The following FAM114A1 variants were observed in gnomAD, a reference collection of about 807,000 sequenced individuals.
FAM114A1 encodes the protein family with sequence similarity 114 member A1.
Under a neutral mutation model 64.3 loss-of-function variants are expected in FAM114A1, and 62 were observed. The ratio of observed to expected loss-of-function variants is 0.96; its 90% CI spans 0.79 to 1.19. The LOEUF is 1.19. Among genes scored for constraint, FAM114A1 ranks in the 50% most tolerant of loss-of-function variants. FAM114A1 has a pLI of 0.00. For missense variants in FAM114A1, 645 were observed against 676.3 expected, an observed-to-expected ratio of 0.95 and a Z score of 0.51; for synonymous variants, 254 against 251.1, an observed-to-expected ratio of 1.01 and a Z score of -0.11.
At chr4:38,870,436 G>A (rs1713933391) in intron 2 of FAM114A1, among the ~76,000 whole-genome samples, 1 of 152,218 alleles carries the variant, frequency 6.6e-6, no homozygotes, top group African/African-American at 2.4e-5. Context: ...ATTTCTGAAG[G>A]ATAGTGACCA....
intron 4 of FAM114A1, among the ~76,000 whole-genome samples, chr4:38,893,171 C>G (rs1174381151): frequency 6.6e-6 from 1 of 152,254 alleles, no homozygotes; most frequent in Non-Finnish European, 1.5e-5. Context: ...TGCAGGCATC[C>G]TCTGTCCTTG....
chr4:38,894,584 C>T (rs1459621019), intron 4 of FAM114A1, among the ~76,000 whole-genome samples: 1 of 152,132 alleles, frequency 6.6e-6, no homozygotes, highest in South Asian at 2.1e-4. Flanking sequence ...CAAATCTGCA[C>T]GTATGCAAAG....
intron 10 of FAM114A1, among the ~76,000 whole-genome samples, chr4:38,930,028 C>T (rs977547668): frequency 2.1e-4 from 32 of 152,152 alleles, no homozygotes; most frequent in African/African-American, 7.7e-4. Flanking sequence ...TTTCAAATTT[C>T]ACCCCGCCCC....
intron 4 of FAM114A1, 107 bp from the exon 5 acceptor site, chr4:38,905,415 A>AT: frequency 3.7e-6 from 3 of 805,908 alleles, no homozygotes; most frequent in East Asian, 2.5e-5. Context: ...AAAAAAAAAA[A>AT]GAAAGATGTA....
intron 6 of FAM114A1, among the ~76,000 whole-genome samples, chr4:38,906,360 C>G (rs539968600): frequency 6.6e-6 from 1 of 152,018 alleles, no homozygotes; most frequent in East Asian, 1.9e-4. Context: ...CATTCCCACC[C>G]TTCCTCCTCC....
chr4:38,911,868 T>TA (rs1290713650), intron 7 of FAM114A1, among the ~76,000 whole-genome samples: 1 of 142,678 alleles, frequency 7.0e-6, no homozygotes. Context: ...TTTCTTTTTT[T>TA]TTTTTTTTTT....
intron 13 of FAM114A1, among the ~76,000 whole-genome samples, chr4:38,939,178 T>TTA (rs1263611545): frequency 1.3e-5 from 2 of 152,158 alleles, no homozygotes; most frequent in African/African-American, 4.8e-5. Context: ...TCATATATAT[T>TTA]TATATGTACA....
chr4:38,942,386 G>T (rs1248965490), intron 14 of FAM114A1, among the ~76,000 whole-genome samples: 1 of 152,154 alleles, frequency 6.6e-6, no homozygotes, highest in African/African-American at 2.4e-5. Context: ...AGGAATAGGA[G>T]CTGTAGGGGC....
intron 8 of FAM114A1, among the ~76,000 whole-genome samples, chr4:38,918,466 G>A (rs1222835401): frequency 1.3e-5 from 2 of 152,116 alleles, no homozygotes; most frequent in African/African-American, 2.4e-5. Context: ...CACACGTAGC[G>A]AATAAAAATA....
At chr4:38,880,125 GAATAGAATAGA>G (rs891941819) in intron 3 of FAM114A1, among the ~76,000 whole-genome samples, 2 of 93,248 alleles carry the variant, frequency 2.1e-5, no homozygotes, top group Non-Finnish European at 4.8e-5. Context: ...GAATAGAATA[GAATAGAATAGA>G]ATAGAATAGA....
chr4:38,904,717 G>A (rs896350360), intron 4 of FAM114A1, among the ~76,000 whole-genome samples: 1 of 152,210 alleles, frequency 6.6e-6, no homozygotes, highest in South Asian at 2.1e-4. Flanking sequence ...AGGCTCAGGT[G>A]ATTTCAATCC....
rs1336213654 is a variant in FAM114A1, at chr4:38,905,757, A to G, written c.553A>G (p.Thr185Ala). Reference sequence around the variant, plus strand: ...AAGGATTTCTTTTTTCTCTTTAGTAACAGATGCAGCCACAGATCAGGGCCC... The same window carrying G: ...AAGGATTTCTTTTTTCTCTTTAGTAGCAGATGCAGCCACAGATCAGGGCCC... ...PNTENGVPEI[T>A]DAATDQGPAE... The change falls in exon 6 of 15, where the codon ACA becomes GCA. Residue 185 changes from threonine (T) to alanine (A), a missense_variant and splice_region_variant. Transcript: ENST00000358869. 1.2e-6 allele frequency: 2 copies of G among 1,612,064 alleles called. No homozygotes were observed. Among genetic ancestry groups the G allele is most frequent in the South Asian group, 2.2e-5 (2 of 90,804 alleles).
At chr4:38,891,274 C>T (rs145499370) in intron 3 of FAM114A1, among the ~76,000 whole-genome samples, 250 of 152,270 alleles carry the variant, frequency 1.6e-3, no homozygotes, top group African/African-American at 5.7e-3. Context: ...GCTTTTTAGA[C>T]ACTTTGCCCA....
intron 8 of FAM114A1, 135 bp downstream of exon 8, chr4:38,915,208 G>A: frequency 8.9e-7 from 1 of 1,121,594 alleles, no homozygotes; most frequent in South Asian, 1.6e-5. Flanking sequence ...CAGAAATACT[G>A]TACAATGGGA....
At chr4:38,922,563 C>T (rs1329117088) in intron 8 of FAM114A1, among the ~76,000 whole-genome samples, 2 of 152,176 alleles carry the variant, frequency 1.3e-5, no homozygotes, top group Non-Finnish European at 2.9e-5. Context: ...AAGAATCTCC[C>T]TTTAAAAATG....
chr4:38,902,822 T>C (rs569385553), intron 4 of FAM114A1, among the ~76,000 whole-genome samples: 11 of 152,230 alleles, frequency 7.2e-5, no homozygotes, highest in African/African-American at 2.6e-4. Context: ...AGTCAGTACC[T>C]CTGGAGATGA....
intron 2 of FAM114A1, among the ~76,000 whole-genome samples, chr4:38,876,871 G>A (rs999937040): frequency 8.5e-5 from 13 of 152,138 alleles, no homozygotes; most frequent in African/African-American, 2.9e-4. Flanking sequence ...TCTTTGAAGT[G>A]CGTCACTCCA....
intron 10 of FAM114A1, 63 bp from the exon 11 acceptor site, chr4:38,931,388 T>C: frequency 6.6e-7 from 1 of 1,524,312 alleles, no homozygotes; most frequent in Non-Finnish European, 8.8e-7. Flanking sequence ...AGTCTTGGGG[T>C]TGGAATGACT....
intron 13 of FAM114A1, among the ~76,000 whole-genome samples, chr4:38,940,168 G>T (rs967508793): frequency 6.6e-6 from 1 of 152,128 alleles, no homozygotes; most frequent in Non-Finnish European, 1.5e-5. Flanking sequence ...TGGGACTGCA[G>T]GCTTGAGCCA....
Sources: allele counts gnomAD v4.1 joint callset (sites outside exome capture counted in the v4.1 genomes callset), GRCh38; gene constraint gnomAD v4.1.1; transcripts MANE v1.5; gene names NCBI Gene and HGNC (gene_info 2026-07-23, HGNC 2026-07-21).